ARID2: variants seen among roughly 807,000 people sequenced by gnomAD.
ARID2 encodes the protein AT-rich interaction domain 2, also known as AT-rich interactive domain-containing protein 2.
ARID2 carries 32 observed loss-of-function variants against 184.6 expected under a neutral mutation model. The observed-to-expected ratio is 0.17, with a 90% confidence interval of 0.13 to 0.23. ARID2 has a LOEUF of 0.23. Ranked by LOEUF, ARID2 falls within the 10% of genes least tolerant of loss-of-function variation. ARID2 has a pLI of 1.00. For missense variants in ARID2, 1,696 were observed against 2,197.6 expected, an observed-to-expected ratio of 0.77 and a Z score of 4.56; for synonymous variants, 836 against 772.6, an observed-to-expected ratio of 1.08 and a Z score of -1.36.
At chr12:45,829,715 TAG>T (rs1943072710) in intron 6 of ARID2, among the ~76,000 whole-genome samples, 1 of 151,638 alleles carries the variant, frequency 6.6e-6, no homozygotes, top group Admixed American at 6.6e-5. Context: ...GTTCCATTTA[TAG>T]ATTGTAGATT....
intron 4 of ARID2, among the ~76,000 whole-genome samples, chr12:45,815,688 G>A (rs1436545126): frequency 6.6e-6 from 1 of 151,980 alleles, no homozygotes; most frequent in African/African-American, 2.4e-5. Context: ...TAAGAGACAG[G>A]TCTCACTTCG....
chr12:45,730,488 C>T (rs968851605), intron 2 of ARID2, among the ~76,000 whole-genome samples: 3 of 150,496 alleles, frequency 2.0e-5, no homozygotes, highest in Non-Finnish European at 4.4e-5. Context: ...GCCGCCCGCC[C>T]GCTCGCTCGC....
intron 3 of ARID2, among the ~76,000 whole-genome samples, chr12:45,782,217 G>T (rs1046450282): frequency 6.6e-6 from 1 of 151,974 alleles, no homozygotes; most frequent in Admixed American, 6.6e-5. Flanking sequence ...AATGTGTCTA[G>T]AAACAAAGTA....
rs148974129 is a variant in ARID2 at position 45,786,370 on chromosome 12, C to G, written c.285-25048C>G. ...CCAAAATTTGAAATACACATTCTGA[C>G]ATAATATGACAATATGATTTAATAT... On this transcript the variant is annotated intron_variant, in intron 3 of 20. Transcript: ENST00000334344. Among the ~76,000 whole-genome samples the G allele has an allele frequency of 3.5e-3, 528 of 152,270 alleles. 2 individuals are homozygous for G. Among genetic ancestry groups the G allele is most frequent in the African/African-American group, 0.012 (500 of 41,542 alleles).
chr12:45,732,705 G>A (rs1371609967), intron 3 of ARID2, among the ~76,000 whole-genome samples: 1 of 152,110 alleles, frequency 6.6e-6, no homozygotes, highest in African/African-American at 2.4e-5. Flanking sequence ...TCAGTTTAAA[G>A]CATTTGAATT....
intron 3 of ARID2, among the ~76,000 whole-genome samples, chr12:45,809,285 C>G (rs58253063): frequency 0.086 from 13,077 of 152,046 alleles, 1,923 homozygotes; most frequent in African/African-American, 0.3. Context: ...CTATTATATC[C>G]AAGTGATTTT....
intron 16 of ARID2, among the ~76,000 whole-genome samples, chr12:45,869,547 A>G (rs1943886184): frequency 6.6e-6 from 1 of 152,018 alleles, no homozygotes; most frequent in Non-Finnish European, 1.5e-5. Flanking sequence ...TTCAACTGAT[A>G]GGTGTTTTCT....
At chr12:45,843,615 A>G (rs1943391418) in intron 11 of ARID2, among the ~76,000 whole-genome samples, 2 of 152,050 alleles carry the variant, frequency 1.3e-5, no homozygotes, top group African/African-American at 4.8e-5. Flanking sequence ...TCAAGTTCTC[A>G]TGAGATGCAG....
chr12:45,862,388 ATC>A (rs1315241771), intron 16 of ARID2, among the ~76,000 whole-genome samples: 1 of 152,130 alleles, frequency 6.6e-6, no homozygotes, highest in Non-Finnish European at 1.5e-5. Flanking sequence ...TAATTTGACC[ATC>A]TCTTTCTTTT....
intron 16 of ARID2, among the ~76,000 whole-genome samples, chr12:45,868,520 A>G (rs1046748372): frequency 6.6e-6 from 1 of 152,234 alleles, no homozygotes; most frequent in African/African-American, 2.4e-5. Flanking sequence ...ATTTTGCTAC[A>G]TAAAATTTAA....
At position 45,906,772 on chromosome 12, in the gene ARID2, T is replaced by C. The variant is rs1207884070; in HGVS notation, c.*1694T>C. 1 of 232,108 alleles carries C rather than the reference T, an allele frequency of 4.3e-6. No individual in the cohort carries two copies. The highest frequency in any genetic ancestry group is 5.6e-5 in the Admixed American group (1 of 17,768). 14.4% of individuals were successfully genotyped at this position (232,108 alleles called of 1,614,324 possible). Reference sequence around the variant, plus strand: ...ATCTTGTTATAATGCAGAGCAAATGTAGAGAACAGCAAATGATTGATGCAG... The same window carrying C: ...ATCTTGTTATAATGCAGAGCAAATGCAGAGAACAGCAAATGATTGATGCAG... On this transcript the variant is annotated 3_prime_UTR_variant, in exon 21 of 21. Coordinates refer to ENST00000334344, the MANE Select transcript of ARID2 (RefSeq NM_152641.4).
intron 3 of ARID2, among the ~76,000 whole-genome samples, chr12:45,792,995 T>G (rs1169890810): frequency 1.3e-5 from 2 of 152,256 alleles, no homozygotes; most frequent in South Asian, 2.1e-4. Context: ...TGGTGATGTA[T>G]TTGGGTTTAA....
At chr12:45,837,796 GT>G in intron 10 of ARID2, 89 bp downstream of exon 10, 1 of 1,223,292 alleles carries the variant, frequency 8.2e-7, no homozygotes, top group Non-Finnish European at 1.1e-6. Context: ...TATATTTGAG[GT>G]TTAGTGTTTT....
At chr12:45,844,275 T>C (rs1943404739) in intron 11 of ARID2, among the ~76,000 whole-genome samples, 1 of 152,136 alleles carries the variant, frequency 6.6e-6, no homozygotes, top group Admixed American at 6.5e-5. Context: ...CACTTCGGCC[T>C]CCCAAAGTGC....
intron 12 of ARID2, among the ~76,000 whole-genome samples, chr12:45,848,410 A>G (rs1943481273): frequency 6.6e-6 from 1 of 152,114 alleles, no homozygotes; most frequent in Admixed American, 6.6e-5. Flanking sequence ...CCAAGAGCCA[A>G]GGAAAGTTTA....
intron 6 of ARID2, among the ~76,000 whole-genome samples, chr12:45,834,894 T>C (rs1004664927): frequency 2.0e-5 from 3 of 152,186 alleles, no homozygotes; most frequent in East Asian, 1.9e-4. Flanking sequence ...TTCTGAAATA[T>C]ATAGGTTAAC....
At chr12:45,881,555 CT>C in intron 16 of ARID2, 1 of 153,390 alleles carries the variant, frequency 6.5e-6, no homozygotes. Context: ...TTTTGACTGG[CT>C]TTTTTTTACT....
rs371755639 is a variant in ARID2, at chr12:45,850,826, C to G, written c.2703C>G (p.Leu901=). 1 of 1,614,014 alleles carries G rather than the reference C, an allele frequency of 6.2e-7. No homozygotes were observed. Among genetic ancestry groups the G allele is most frequent in the African/African-American group, 1.3e-5 (1 of 74,892 alleles). The change falls in exon 15 of 21, where the codon CTC becomes CTG. Residue 901 remains leucine, a synonymous_variant. Coordinates refer to ENST00000334344, the MANE Select transcript of ARID2 (RefSeq NM_152641.4). ...VGFQNIAPKP[L]PSQQVSSTVV... ...TTCAGAACATTGCACCAAAACCTCT[C>G]CCTTCTCAGCAAGTTTCATCTACAG...
intron 3 of ARID2, among the ~76,000 whole-genome samples, chr12:45,736,367 A>C (rs925681813): frequency 3.9e-5 from 6 of 152,264 alleles, no homozygotes; most frequent in African/African-American, 1.4e-4. Context: ...AAAAAAAAAA[A>C]AAAAGTATAT....
Sources: allele counts gnomAD v4.1 joint callset (sites outside exome capture counted in the v4.1 genomes callset), GRCh38; gene constraint gnomAD v4.1.1; transcripts MANE v1.5; gene names NCBI Gene and HGNC (gene_info 2026-07-23, HGNC 2026-07-21).